The following CRLF3 variants were observed in gnomAD, a reference collection of about 807,000 sequenced individuals.
The protein encoded by CRLF3 is cytokine receptor-like factor 3.
Under a neutral mutation model 55.0 loss-of-function variants are expected in CRLF3, and 33 were observed. The observed-to-expected ratio is 0.60, with a 90% CI of 0.46 to 0.80. The LOEUF (loss-of-function observed/expected upper bound fraction) is 0.80. Ranked by LOEUF, CRLF3 falls within the 30% of genes least tolerant of loss-of-function variation. The pLI is 0.00. For missense variants in CRLF3, 494 were observed against 538.4 expected (o/e 0.92, Z 0.82); for synonymous variants, 238 against 196.8 (o/e 1.21, Z -1.75).
intron 2 of CRLF3, chr17:30,803,566 A>G (rs1972038953): frequency 4.3e-6 from 1 of 235,066 alleles, no homozygotes; most frequent in Non-Finnish European, 8.4e-6. Context: ...TTGTACTCCC[A>G]TAATTCCCAT....
chr17:30,791,804 C>T (rs1032833535), intron 6 of CRLF3, among the ~76,000 whole-genome samples: 1 of 151,984 alleles, frequency 6.6e-6, no homozygotes, highest in Non-Finnish European at 1.5e-5. Flanking sequence ...GTGTGAGCCA[C>T]CGTGCCTGGC....
chr17:30,824,487 G>A lies in CRLF3; in HGVS notation c.129+36C>T, dbSNP rs750691874. 1.2e-5 allele frequency: 19 copies of A among 1,555,164 alleles called. No homozygotes were observed. In the South Asian group the frequency reaches 1.4e-4, roughly 11 times the overall value. ...TTCGCCCGGCATCCGCGCCACCCCCGGGCCCACAGCGCCCCTGTGGGTGTG... is the reference window on the plus strand; with the variant it reads ...TTCGCCCGGCATCCGCGCCACCCCCAGGCCCACAGCGCCCCTGTGGGTGTG... On this transcript the variant is annotated intron_variant, in intron 1 of 7. Coordinates refer to ENST00000324238, the MANE Select transcript of CRLF3 (RefSeq NM_015986.4).
intron 7 of CRLF3, among the ~76,000 whole-genome samples, chr17:30,785,472 A>G (rs1351414506): frequency 6.6e-6 from 1 of 151,552 alleles, no homozygotes; most frequent in Non-Finnish European, 1.5e-5. Context: ...AGTCACATAA[A>G]TTATGTCATT....
chr17:30,788,512 A>G lies in CRLF3; in HGVS notation c.960-2481T>C, dbSNP rs541360490. 2.0e-5 allele frequency among the ~76,000 whole-genome samples: 3 copies of G among 151,554 alleles called. No homozygotes were observed. The South Asian group carries it at 6.2e-4, about 32-fold the overall frequency. On this transcript the variant is annotated intron_variant, in intron 6 of 7. Transcript: ENST00000324238. Reference sequence around the variant, plus strand: ...TAGAGACTGTTAAAATCCAGCCAGTATCACAGGTTTCTCTGGCTTCAGCAG... The same window carrying G: ...TAGAGACTGTTAAAATCCAGCCAGTGTCACAGGTTTCTCTGGCTTCAGCAG...
intron 1 of CRLF3, 26 bp downstream of exon 1, chr17:30,824,497 C>CG (rs1479198736): frequency 1.0e-5 from 16 of 1,570,254 alleles, no homozygotes; most frequent in African/African-American, 1.4e-5. Flanking sequence ...GGGCCCACAG[C>CG]GCCCCTGTGG....
chr17:30,797,449 G>C (rs746409810), intron 2 of CRLF3, 51 bp from the exon 3 acceptor site: 1 of 1,432,784 alleles, frequency 7.0e-7, no homozygotes, highest in South Asian at 1.1e-5. Context: ...CACATATAAA[G>C]TAATCAACAC....
intron 1 of CRLF3, among the ~76,000 whole-genome samples, chr17:30,819,248 T>C (rs1459423982): frequency 6.6e-6 from 1 of 152,216 alleles, no homozygotes; most frequent in Non-Finnish European, 1.5e-5. Context: ...AACATAGTCA[T>C]TTTATAGAGT....
intron 6 of CRLF3, among the ~76,000 whole-genome samples, chr17:30,788,596 C>CTTTTTTTTTTTTTTTTTTT (rs1429494338): frequency 8.3e-6 from 1 of 120,294 alleles, no homozygotes; most frequent in Admixed American, 8.9e-5. Flanking sequence ...AAAGTAGTGC[C>CTTTTTTTTTTTTTTTTTTT]TTCTTTTTTT....
intron 1 of CRLF3, among the ~76,000 whole-genome samples, chr17:30,815,839 C>T (rs1168180058): frequency 7.9e-5 from 12 of 151,140 alleles, no homozygotes; most frequent in African/African-American, 7.3e-5. Context: ...CCACTGAGCC[C>T]GGCCAGAATG....
intron 1 of CRLF3, among the ~76,000 whole-genome samples, chr17:30,811,551 C>A (rs1904622163): frequency 6.6e-6 from 1 of 151,856 alleles, no homozygotes; most frequent in African/African-American, 2.4e-5. Flanking sequence ...TGCCTGTAAT[C>A]CCAGCACTTT....
At chr17:30,793,400 G>A (rs372501317) in intron 5 of CRLF3, 50 bp downstream of exon 5, 21 of 1,413,122 alleles carry the variant, frequency 1.5e-5, no homozygotes, top group Non-Finnish European at 2.1e-5. Flanking sequence ...CAGAATACAG[G>A]TATTCTAATA....
intron 5 of CRLF3, 115 bp from the exon 6 acceptor site, chr17:30,792,687 G>T (rs1472774700): frequency 2.3e-6 from 2 of 883,654 alleles, no homozygotes; most frequent in Non-Finnish European, 1.7e-6. Context: ...CCATGGTCAA[G>T]TTCAATAAAA....
chr17:30,791,556 C>G (rs1490084921), intron 6 of CRLF3, among the ~76,000 whole-genome samples: 2 of 145,724 alleles, frequency 1.4e-5, no homozygotes, highest in Non-Finnish European at 3.0e-5. Context: ...CTTGCTGTGT[C>G]GCCCAGGCTG....
At chr17:30,808,990 C>T (rs570710505) in intron 1 of CRLF3, among the ~76,000 whole-genome samples, 29 of 152,328 alleles carry the variant, frequency 1.9e-4, no homozygotes, top group South Asian at 8.3e-4. Context: ...TAATACATTT[C>T]GAATGGCCAA....
intron 3 of CRLF3, among the ~76,000 whole-genome samples, chr17:30,796,746 CAG>C (rs959811720): frequency 9.3e-5 from 13 of 139,754 alleles, no homozygotes; most frequent in African/African-American, 5.3e-5. Context: ...TTTTTTCAGA[CAG>C]AGTCTCACTC....
intron 6 of CRLF3, among the ~76,000 whole-genome samples, chr17:30,791,800 G>A (rs1434930233): frequency 6.6e-6 from 1 of 151,936 alleles, no homozygotes; most frequent in Non-Finnish European, 1.5e-5. Flanking sequence ...ACAAGTGTGA[G>A]CCACCGTGCC....
intron 4 of CRLF3, among the ~76,000 whole-genome samples, chr17:30,795,144 T>TAACAAC (rs1192933951): frequency 2.0e-5 from 3 of 151,898 alleles, no homozygotes; most frequent in Non-Finnish European, 4.4e-5. Flanking sequence ...TGTTAGAAAA[T>TAACAAC]AACAACAGCA....
Position 30,797,311 on chromosome 17 carries a change from C to T in CRLF3, c.425G>A (p.Ser142Asn). Residue 142 changes from serine to asparagine, a missense_variant and splice_region_variant, in exon 3 of 8, where the codon AGC becomes AAC. Transcript: ENST00000324238. The part of the protein sequence containing the change: ...TKKASHIQLD[S>N]LPEVPLLVDV... ...GTCAAAAAGGCACAAACTCTTTTAC[C>T]TGTCCAACTGAATGTGCGAGGCCTT... is the stretch of plus-strand genomic sequence containing the variant. 1.9e-6 allele frequency: 3 copies of T among 1,608,826 alleles called. No individual in the cohort carries two copies. The highest frequency in any genetic ancestry group is 2.6e-6 in the Non-Finnish European group (3 of 1,175,186).
At chr17:30,795,480 C>T (rs1194987062) in intron 4 of CRLF3, among the ~76,000 whole-genome samples, 1 of 138,810 alleles carries the variant, frequency 7.2e-6, no homozygotes, top group Non-Finnish European at 1.5e-5. Context: ...TGAACAACAA[C>T]AACGAAACTC....
Sources: allele counts gnomAD v4.1 joint callset (sites outside exome capture counted in the v4.1 genomes callset), GRCh38; gene constraint gnomAD v4.1.1; transcripts MANE v1.5; gene names NCBI Gene and HGNC (gene_info 2026-07-23, HGNC 2026-07-21).